The following KIF27 variants were observed in gnomAD, a reference collection of about 807,000 sequenced individuals.
The protein encoded by KIF27 is kinesin-like protein KIF27.
In KIF27, 84 loss-of-function variants were observed where a neutral mutation model predicts 141.8. The observed-to-expected ratio is 0.59, with a 90% CI of 0.50 to 0.71. The LOEUF (loss-of-function observed/expected upper bound fraction) is 0.71, where lower values mean the gene tolerates loss of function less well. KIF27 is among the 30% of genes least tolerant of loss of function. The pLI, the probability that KIF27 is intolerant of heterozygous loss-of-function variation, is 0.00. For missense variants in KIF27, 1,306 were observed against 1,628.4 expected (o/e 0.80, Z 3.41); for synonymous variants, 471 against 569.5 (o/e 0.83, Z 2.46).
At chr9:83,850,012 C>T in intron 16 of KIF27, 87 bp downstream of exon 16, 1 of 1,215,804 alleles carries the variant, frequency 8.2e-7, no homozygotes, top group Admixed American at 1.8e-5. Flanking sequence ...ACATGTTGAC[C>T]TTTTAAGTGA....
rs544397013 is a variant in KIF27, at chr9:83,880,758, T to C, written c.2446-264A>G. Among the ~76,000 whole-genome samples, 16 of 152,344 alleles carry C rather than the reference T, an allele frequency of 1.1e-4. No homozygotes were observed. The East Asian group carries it at 3.1e-3, about 29-fold the overall frequency. On this transcript the variant is annotated intron_variant, in intron 10 of 17. Transcript: ENST00000297814. Reference sequence around the variant, plus strand: ...CAACAAACAAATGAAACAGATGATTTGCTTTTCATTAATAAGTATTTTAAT... The same window carrying C: ...CAACAAACAAATGAAACAGATGATTCGCTTTTCATTAATAAGTATTTTAAT...
At chr9:83,910,262 G>C (rs1416387039) in intron 2 of KIF27, among the ~76,000 whole-genome samples, 1 of 151,992 alleles carries the variant, frequency 6.6e-6, no homozygotes, top group Non-Finnish European at 1.5e-5. Flanking sequence ...AAAAATGTTG[G>C]TGCTTTTAGA....
At chr9:83,870,961 A>G (rs1950738816) in intron 11 of KIF27, among the ~76,000 whole-genome samples, 1 of 152,050 alleles carries the variant, frequency 6.6e-6, no homozygotes, top group Non-Finnish European at 1.5e-5. Flanking sequence ...TCTAGACTAG[A>G]GTGCAATGGC....
chr9:83,912,074 T>C (rs1465538112), intron 2 of KIF27, among the ~76,000 whole-genome samples: 3 of 148,232 alleles, frequency 2.0e-5, no homozygotes, highest in Non-Finnish European at 3.0e-5. Context: ...TTTATTACAA[T>C]TGTAAAAATA....
At chr9:83,888,966 G>A in intron 7 of KIF27, 118 bp downstream of exon 7, 1 of 1,253,100 alleles carries the variant, frequency 8.0e-7, no homozygotes, top group Non-Finnish European at 1.1e-6. Flanking sequence ...TTTAGCAAAA[G>A]TTACCTACTC....
Position 83,870,398 on chromosome 9 carries a change from C to T in KIF27, c.2757+121G>A, listed in dbSNP as rs535379216. Reference sequence around the variant, plus strand: ...ACCAGGCTGGTCTTGAACTCCTGACCGCAGGTGATCCACCCACCTCGGCGT... The same window carrying T: ...ACCAGGCTGGTCTTGAACTCCTGACTGCAGGTGATCCACCCACCTCGGCGT... On this transcript the variant is annotated intron_variant, in intron 12 of 17. Coordinates refer to ENST00000297814, the MANE Select transcript of KIF27 (RefSeq NM_017576.4). The T allele has an allele frequency of 3.2e-4, 454 of 1,397,654 alleles. 2 individuals are homozygous for T. In the African/African-American group the frequency reaches 5.5e-3, roughly 17 times the overall value. 86.6% of individuals were successfully genotyped at this position (1,397,654 alleles called of 1,614,324 possible). A position where few individuals can be genotyped will look rare whatever the true frequency, so the allele number is the denominator to read the frequency against.
chr9:83,905,120 TC>T lies in KIF27; in HGVS notation c.500-1103del, dbSNP rs1483838875. On this transcript the variant is annotated intron_variant, in intron 3 of 17. Transcript: ENST00000297814. ...TTATTTGTTTATATCCAAAAATATTTCTTTTTTTTTTTTTCTTGAGATGGAG... is the reference window on the plus strand; with the variant it reads ...TTATTTGTTTATATCCAAAAATATTTTTTTTTTTTTTTTCTTGAGATGGAG... 2.0e-5 allele frequency among the ~76,000 whole-genome samples: 3 copies of T among 151,864 alleles called. No homozygotes were observed. In the East Asian group the frequency reaches 5.8e-4, roughly 29 times the overall value.
chr9:83,880,273 A>G (rs1275905369), intron 11 of KIF27, 24 bp downstream of exon 11: 7 of 1,613,444 alleles, frequency 4.3e-6, no homozygotes, highest in Non-Finnish European at 5.1e-6. Flanking sequence ...TATTATACTT[A>G]GCAGGAATGT....
intron 13 of KIF27, among the ~76,000 whole-genome samples, chr9:83,865,625 G>C (rs1293331375): frequency 6.6e-6 from 1 of 151,990 alleles, no homozygotes; most frequent in Non-Finnish European, 1.5e-5. Flanking sequence ...ATTTCCAAGA[G>C]CTCTTTCATG....
At chr9:83,881,423 A>G (rs1230667216) in intron 10 of KIF27, among the ~76,000 whole-genome samples, 1 of 152,240 alleles carries the variant, frequency 6.6e-6, no homozygotes, top group South Asian at 2.1e-4. Context: ...GTGTTAGCAT[A>G]GGCAAGTTTT....
chr9:83,871,892 G>A (rs1360407492), intron 11 of KIF27, among the ~76,000 whole-genome samples: 2 of 151,372 alleles, frequency 1.3e-5, no homozygotes, highest in Non-Finnish European at 3.0e-5. Context: ...AGGAGAGACA[G>A]GGTTTTACCA....
chr9:83,842,231 T>C lies in KIF27; in HGVS notation c.3721+6A>G. On this transcript the variant is annotated splice_donor_region_variant and intron_variant, in intron 17 of 17. Coordinates refer to ENST00000297814, the MANE Select transcript of KIF27 (RefSeq NM_017576.4). ...GTGTTAAGAGTGACAACACTAAAAG[T>C]CTTACACTCTGATGGTGCTAGTTGC... is the stretch of plus-strand genomic sequence containing the variant. 1 of 1,539,168 alleles carries C rather than the reference T, an allele frequency of 6.5e-7. No individual in the cohort carries two copies. The highest frequency in any genetic ancestry group is 8.7e-7 in the Non-Finnish European group (1 of 1,152,552).
chr9:83,911,694 A>G (rs1564010570), intron 2 of KIF27, among the ~76,000 whole-genome samples: 2 of 151,050 alleles, frequency 1.3e-5, no homozygotes, highest in Admixed American at 1.3e-4. Context: ...GGCGCACACC[A>G]CCACGTCTGA....
chr9:83,908,757 A>G (rs1282533299), intron 2 of KIF27, 105 bp from the exon 3 acceptor site: 5 of 631,316 alleles, frequency 7.9e-6, no homozygotes, highest in Non-Finnish European at 1.2e-5. Flanking sequence ...ATATATTATA[A>G]CTTTTTTTTT....
intron 13 of KIF27, among the ~76,000 whole-genome samples, chr9:83,865,126 T>A (rs1950252546): frequency 6.6e-6 from 1 of 152,174 alleles, no homozygotes; most frequent in Admixed American, 6.5e-5. Flanking sequence ...ATTTTTTATA[T>A]GATGTCTTTG....
intron 4 of KIF27, among the ~76,000 whole-genome samples, chr9:83,901,200 A>G (rs1219415590): frequency 6.6e-6 from 1 of 152,166 alleles, no homozygotes; most frequent in Non-Finnish European, 1.5e-5. Flanking sequence ...GCTCAAAACA[A>G]TCCTCCAGCC....
intron 1 of KIF27, among the ~76,000 whole-genome samples, chr9:83,916,245 C>T (rs886732185): frequency 2.0e-5 from 3 of 152,226 alleles, no homozygotes; most frequent in Admixed American, 2.0e-4. Context: ...ATTGGCCAGG[C>T]TGGTCTCAAG....
chr9:83,894,500 T>C (rs1831758), intron 5 of KIF27, among the ~76,000 whole-genome samples: 3 of 151,970 alleles, frequency 2.0e-5, no homozygotes, highest in African/African-American at 7.2e-5. Flanking sequence ...CTGTTTGCAC[T>C]ATCAATGTGG....
rs1330629716 is a variant in KIF27 at position 83,868,030 on chromosome 9, T to A, written c.2758-170A>T. On this transcript the variant is annotated intron_variant, in intron 12 of 17. Coordinates refer to ENST00000297814, the MANE Select transcript of KIF27 (RefSeq NM_017576.4). ...ATCCTAAAGACATCAGTGGTTCTAG[T>A]CAAGATGTAGCTATGTTGTTTTATA... is the stretch of plus-strand genomic sequence containing the variant. The A allele has an allele frequency of 1.0e-5, 6 of 602,274 alleles. No homozygotes were observed. The East Asian group carries it at 1.5e-4, about 15-fold the overall frequency. 37.3% of individuals were successfully genotyped at this position (602,274 alleles called of 1,614,324 possible). A position where few individuals can be genotyped will look rare whatever the true frequency, so the allele number is the denominator to read the frequency against.
Sources: allele counts gnomAD v4.1 joint callset (sites outside exome capture counted in the v4.1 genomes callset), GRCh38; gene constraint gnomAD v4.1.1; transcripts MANE v1.5; gene names NCBI Gene and HGNC (gene_info 2026-07-23, HGNC 2026-07-21).